The following FBXO31 variants were observed in gnomAD, a reference collection of about 807,000 sequenced individuals.
The protein encoded by FBXO31 is F-box only protein 31.
A neutral mutation model predicts 54.4 loss-of-function variants in FBXO31; 24 were observed. The ratio of observed to expected loss-of-function variants is 0.44; its 90% CI spans 0.32 to 0.62. FBXO31 has a LOEUF of 0.62. Among genes scored for constraint, FBXO31 ranks in the 20% least tolerant of loss-of-function variants. FBXO31 has a pLI of 0.05. For missense variants in FBXO31, 665 were observed against 787.1 expected, an observed-to-expected ratio of 0.84 and a Z score of 1.86; for synonymous variants, 388 against 335.6, an observed-to-expected ratio of 1.16 and a Z score of -1.71.
chr16:87,383,718 G>T lies in FBXO31; in HGVS notation c.27C>A (p.Gly9=). 2 of 1,251,008 alleles carry T rather than the reference G, an allele frequency of 1.6e-6. No homozygotes were observed. The highest frequency in any genetic ancestry group is 2.0e-6 in the Non-Finnish European group (2 of 1,003,602). 77.5% of individuals were successfully genotyped at this position (1,251,008 alleles called of 1,614,324 possible). Residue 9 remains glycine, a synonymous_variant, in exon 1 of 9, where the codon GGC becomes GGA. Coordinates refer to ENST00000311635, the MANE Select transcript of FBXO31 (RefSeq NM_024735.5). The surrounding 1 kb of genome is among the most constrained non-coding windows in gnomAD (Gnocchi z 4.9). The part of the protein sequence containing the change: MAVCARLC[G]VGPSRGCRRR... Reference sequence around the variant, plus strand: ...GCCGACATCCGCGCGACGGGCCCACGCCGCAAAGGCGAGCACACACCGCCA... The same window carrying T: ...GCCGACATCCGCGCGACGGGCCCACTCCGCAAAGGCGAGCACACACCGCCA...
rs751551676 is a variant in FBXO31, at chr16:87,333,867, G to T, written c.1397+19C>A. 59 of 1,577,152 alleles carry T rather than the reference G, an allele frequency of 3.7e-5. No individual in the cohort carries two copies. The highest frequency in any genetic ancestry group is 4.6e-5 in the Non-Finnish European group (53 of 1,158,694). The stretch of plus-strand genomic sequence containing the variant: ...CATGCTGTCCCACCTTCAGGCCCCA[G>T]TACCCGCCGCATCCTTACCACATCC... On this transcript the variant is annotated intron_variant, in intron 8 of 8. Coordinates refer to ENST00000311635, the MANE Select transcript of FBXO31 (RefSeq NM_024735.5).
chr16:87,337,927 A>G (rs1905082044), intron 5 of FBXO31, among the ~76,000 whole-genome samples: 1 of 152,232 alleles, frequency 6.6e-6, no homozygotes, highest in Admixed American at 6.5e-5. Context: ...AAGAAAACAA[A>G]AAGTTTCACA....
At chr16:87,350,268 G>A (rs1185156852) in intron 2 of FBXO31, among the ~76,000 whole-genome samples, 1 of 152,142 alleles carries the variant, frequency 6.6e-6, no homozygotes, top group Non-Finnish European at 1.5e-5. Flanking sequence ...TAAGGCACAG[G>A]GAGTAAGAAA....
intron 5 of FBXO31, 101 bp downstream of exon 5, chr16:87,342,776 G>T: frequency 1.1e-6 from 1 of 949,404 alleles, no homozygotes; most frequent in Non-Finnish European, 1.6e-6. Context: ...CACCATGCAG[G>T]TCGCATGCTG....
intron 1 of FBXO31, among the ~76,000 whole-genome samples, chr16:87,382,979 G>T (rs553562423): frequency 4.6e-5 from 7 of 152,092 alleles, no homozygotes; most frequent in Non-Finnish European, 7.4e-5. Flanking sequence ...CAGGGCCAGC[G>T]GGGCACCCTC....
At chr16:87,371,896 ATTTTTT>A (rs10589680) in intron 1 of FBXO31, among the ~76,000 whole-genome samples, 3,715 of 148,538 alleles carry the variant, frequency 0.025, 149 homozygotes, top group African/African-American at 0.086. Context: ...TTGTTTTTAA[ATTTTTT>A]TTTTTTAAGT....
At position 87,343,851 on chromosome 16, in the gene FBXO31, C is replaced by T. The variant is rs1446291711; in HGVS notation, c.490-86G>A. On this transcript the variant is annotated intron_variant, in intron 3 of 8. Transcript: ENST00000311635. ...CGCACGGCTCCCCGCACTGCAATGG[C>T]ACAGAGAAGCTCCTGCCAGACCAGC... 2.8e-6 allele frequency: 4 copies of T among 1,417,860 alleles called. No homozygotes were observed. In the African/African-American group the frequency reaches 5.6e-5, roughly 20 times the overall value. 87.8% of individuals were successfully genotyped at this position (1,417,860 alleles called of 1,614,324 possible).
intron 2 of FBXO31, among the ~76,000 whole-genome samples, chr16:87,352,102 C>T (rs1187478155): frequency 6.6e-6 from 1 of 152,204 alleles, no homozygotes; most frequent in Non-Finnish European, 1.5e-5. Context: ...CCAAGCTGAG[C>T]AGCTCAGTGC....
In FBXO31 at chr16:87,338,236, G is replaced by GA. The variant is rs34583829; in HGVS notation, c.733-1973dup. Among the ~76,000 whole-genome samples the GA allele has an allele frequency of 0.046, 6,250 of 137,148 alleles. 230 individuals carry two copies. The highest frequency in any genetic ancestry group is 0.11 in the African/African-American group (4,205 of 37,794). The allele number at this position is 137,148 out of a possible 152,430, so 90.0% of individuals were successfully genotyped here. ...TCAGAGCAACACATACAAGCCACAA[G>GA]AAAAAAAAAAAAACAGGGAGCCCAG... On this transcript the variant is annotated intron_variant, in intron 5 of 8. Coordinates refer to ENST00000311635, the MANE Select transcript of FBXO31 (RefSeq NM_024735.5). This position sits in a 1 kb window ranked among gnomAD's most constrained non-coding sequence, Gnocchi z 4.3.
chr16:87,343,471 G>T (rs1905256008), intron 4 of FBXO31, 127 bp downstream of exon 4: 6 of 1,169,770 alleles, frequency 5.1e-6, no homozygotes, highest in Non-Finnish European at 4.8e-6. Flanking sequence ...GCAGGGCGGA[G>T]CCTCCCTCCC....
chr16:87,382,960 G>A (rs577091788), intron 1 of FBXO31, among the ~76,000 whole-genome samples: 1 of 152,102 alleles, frequency 6.6e-6, no homozygotes, highest in Non-Finnish European at 1.5e-5. Context: ...AGTTCACCTC[G>A]TCTCTGGTCA....
intron 1 of FBXO31, among the ~76,000 whole-genome samples, chr16:87,362,366 G>C (rs1388891136): frequency 2.0e-5 from 3 of 151,902 alleles, no homozygotes; most frequent in Non-Finnish European, 4.4e-5. Flanking sequence ...AGTGGCTACA[G>C]GTAAAACATA....
Position 87,383,410 on chromosome 16 carries a change from C to G in FBXO31, c.335G>C (p.Arg112Pro). 6.4e-7 allele frequency: 1 copy of G among 1,553,354 alleles called. No homozygotes were observed. The highest frequency in any genetic ancestry group is 8.7e-7 in the Non-Finnish European group (1 of 1,152,736). Residue 112 changes from arginine to proline, a missense_variant, in exon 1 of 9, where the codon CGT becomes CCT. Arg to Pro is a moderately radical substitution (Grantham distance 103). Around this residue, in one of 4 missense-constraint regions of FBXO31, gnomAD observed 195 missense variants for 174.8 expected, o/e 1.12. Transcript: ENST00000311635. This position sits in a 1 kb window ranked among gnomAD's most constrained non-coding sequence, Gnocchi z 4.9. ...HTDTIWRRRC[R>P]EEYGVCENLR... ...CGCCACCCCCGCGCGCTCACCCTCA[C>G]GGCAACGCCTCCTCCAGATGGTGTC...
chr16:87,384,059 A>AT (rs1907231357), upstream of FBXO31: 1 of 172,840 alleles, frequency 5.8e-6, no homozygotes, highest in Admixed American at 6.3e-5. Context: ...CCTTCAGATT[A>AT]TGAGACTGAC....
At chr16:87,371,092 C>T (rs913073501) in intron 1 of FBXO31, among the ~76,000 whole-genome samples, 2 of 152,148 alleles carry the variant, frequency 1.3e-5, no homozygotes, top group Admixed American at 1.3e-4. Context: ...GCAAACACTC[C>T]CACAGCCAGC....
upstream of FBXO31, among the ~76,000 whole-genome samples, chr16:87,390,667 C>G (rs1907502415): frequency 6.6e-6 from 1 of 152,090 alleles, no homozygotes; most frequent in Admixed American, 6.6e-5. Context: ...GTCTCGAACT[C>G]TTGACCTCGT....
In FBXO31 at chr16:87,338,865, T is replaced by C. The variant is rs577815065; in HGVS notation, c.733-2601A>G. 6.6e-6 allele frequency among the ~76,000 whole-genome samples: 1 copy of C among 152,222 alleles called. No homozygotes were observed. Among genetic ancestry groups the C allele is most frequent in the South Asian group, 2.1e-4 (1 of 4,822 alleles). On this transcript the variant is annotated intron_variant, in intron 5 of 8. Coordinates refer to ENST00000311635, the MANE Select transcript of FBXO31 (RefSeq NM_024735.5). The surrounding 1 kb of genome is among the most constrained non-coding windows in gnomAD (Gnocchi z 4.3). ...TGAACTGTAGCTCTTCCAATTCCCA[T>C]GTCATGGGAGGGACCCCAGGAGGTA...
intron 1 of FBXO31, among the ~76,000 whole-genome samples, chr16:87,361,686 C>T (rs532792335): frequency 3.9e-5 from 6 of 152,346 alleles, no homozygotes; most frequent in African/African-American, 1.4e-4. Flanking sequence ...GGCCTCATCC[C>T]TTCTTTTCAA....
intron 1 of FBXO31, among the ~76,000 whole-genome samples, chr16:87,382,963 T>C (rs1597382124): frequency 6.6e-6 from 1 of 152,228 alleles, no homozygotes; most frequent in East Asian, 1.9e-4. Context: ...TCACCTCGTC[T>C]CTGGTCAGGG....
Sources: allele counts gnomAD v4.1 joint callset (sites outside exome capture counted in the v4.1 genomes callset), GRCh38; gene constraint gnomAD v4.1.1; regional missense constraint gnomAD v4.1.1; non-coding constraint Gnocchi (gnomAD v3.1); transcripts MANE v1.5; gene names NCBI Gene and HGNC (gene_info 2026-07-23, HGNC 2026-07-21).